Variants in PTPRT observed in about 807,000 individuals in gnomAD.
PTPRT encodes the protein protein tyrosine phosphatase receptor type T.
PTPRT carries 56 observed loss-of-function variants against 176.8 expected under a neutral mutation model. The observed-to-expected ratio is 0.32, with a 90% CI of 0.26 to 0.40. PTPRT has a LOEUF of 0.40. Ranked by LOEUF, PTPRT falls within the 10% of genes least tolerant of loss-of-function variation. PTPRT has a pLI of 1.00. For synonymous variants in PTPRT, 783 were observed against 739.0 expected (o/e 1.06, Z -0.96); for missense variants, 1,540 against 1,908.2 (o/e 0.81, Z 3.60).
intron 1 of PTPRT, among the ~76,000 whole-genome samples, chr20:42,964,979 A>T (rs1483507864): frequency 2.0e-5 from 3 of 152,222 alleles, no homozygotes; most frequent in Non-Finnish European, 4.4e-5. Context: ...TTATTATTTT[A>T]AAGTGATTCT....
At chr20:42,463,501 G>C (rs1318685832) in intron 8 of PTPRT, among the ~76,000 whole-genome samples, 1 of 152,098 alleles carries the variant, frequency 6.6e-6, no homozygotes, top group Non-Finnish European at 1.5e-5. Context: ...ATGTTTTCTT[G>C]TGCCTTAAAG....
rs371507519 is a variant in PTPRT, at chr20:42,494,944, T to C, written c.1154-22382A>G. On this transcript the variant is annotated intron_variant, in intron 7 of 30. Transcript: ENST00000373187. The stretch of plus-strand genomic sequence containing the variant: ...ATCACATCTTTCTAGAAACCTTTCC[T>C]GTTTCCTCGGGCACAAGTGAATCTC... 2.2e-3 allele frequency among the ~76,000 whole-genome samples: 336 copies of C among 152,318 alleles called. 1 individual carries two copies. Among genetic ancestry groups the C allele is most frequent in the Non-Finnish European group, 2.7e-3 (186 of 68,038 alleles).
chr20:43,073,048 C>A (rs1280862260), intron 1 of PTPRT, among the ~76,000 whole-genome samples: 1 of 152,076 alleles, frequency 6.6e-6, no homozygotes, highest in African/African-American at 2.4e-5. Flanking sequence ...TTATGGCCAC[C>A]AACTAAAGTC....
intron 13 of PTPRT, among the ~76,000 whole-genome samples, chr20:42,269,922 C>G (rs948392871): frequency 1.3e-5 from 2 of 152,156 alleles, no homozygotes; most frequent in Non-Finnish European, 2.9e-5. Flanking sequence ...TTTTCCCAAA[C>G]TTAGATCACA....
intron 17 of PTPRT, among the ~76,000 whole-genome samples, chr20:42,143,556 CAA>C (rs36027241): frequency 7.5e-4 from 73 of 97,356 alleles, no homozygotes; most frequent in African/African-American, 1.6e-3. Context: ...GACTCTGTTT[CAA>C]AAAAAAAAAA....
chr20:42,599,365 A>C (rs2073734735), intron 7 of PTPRT, among the ~76,000 whole-genome samples: 1 of 152,142 alleles, frequency 6.6e-6, no homozygotes, highest in African/African-American at 2.4e-5. Flanking sequence ...GTCACCACAC[A>C]CAGGGTTGAT....
chr20:42,619,614 A>T (rs1296149770), intron 7 of PTPRT, among the ~76,000 whole-genome samples: 4 of 133,502 alleles, frequency 3.0e-5, no homozygotes, highest in Non-Finnish European at 6.2e-5. Context: ...ACATAGTCCC[A>T]TATTTCTTGG....
intron 15 of PTPRT, among the ~76,000 whole-genome samples, chr20:42,225,400 C>T (rs1359558080): frequency 6.6e-6 from 1 of 152,138 alleles, no homozygotes; most frequent in Non-Finnish European, 1.5e-5. Context: ...CACTACCATT[C>T]CCATTTTACA....
chr20:43,128,651 C>A (rs2013536669), intron 1 of PTPRT, among the ~76,000 whole-genome samples: 4 of 152,240 alleles, frequency 2.6e-5, no homozygotes, highest in Admixed American at 2.6e-4. Context: ...CCAGTCTCCC[C>A]ATTATTACCA....
intron 1 of PTPRT, among the ~76,000 whole-genome samples, chr20:42,903,042 C>T: frequency 6.6e-6 from 1 of 152,182 alleles, no homozygotes; most frequent in East Asian, 1.9e-4. Flanking sequence ...AGAAGTAAAG[C>T]AGGTAAGGGG....
At chr20:42,442,964 C>T (rs2059330976) in intron 9 of PTPRT, among the ~76,000 whole-genome samples, 2 of 152,152 alleles carry the variant, frequency 1.3e-5, no homozygotes, top group Non-Finnish European at 2.9e-5. Context: ...GAGGCCACAC[C>T]ACCCTTCTGC....
chr20:42,106,845 C>T lies in PTPRT; in HGVS notation c.3331G>A (p.Asp1111Asn), dbSNP rs1320749118. The stretch of plus-strand genomic sequence containing the variant: ...AGCTCACGCACGCAGTTGAAGATGT[C>T]CACCACCCCTTCATTCTCGGCCATG... ...LDMAENEGVV[D>N]IFNCVRELRA... The change falls in exon 24 of 31, where the codon GAC becomes AAC. Residue 1111 changes from aspartate (D) to asparagine (N), a missense_variant. Asp to Asn is a conservative substitution (Grantham distance 23). This residue lies in a region of PTPRT where 248 missense variants were observed against 356.7 expected (regional missense o/e 0.70). Transcript: ENST00000373187. 3.7e-6 allele frequency: 6 copies of T among 1,614,036 alleles called. No individual in the cohort carries two copies. Among genetic ancestry groups the T allele is most frequent in the Non-Finnish European group, 5.1e-6 (6 of 1,180,028 alleles).
chr20:42,795,308 T>G (rs780173994), intron 2 of PTPRT, among the ~76,000 whole-genome samples: 1 of 152,198 alleles, frequency 6.6e-6, no homozygotes, highest in Non-Finnish European at 1.5e-5. Context: ...TGGCCATAAA[T>G]TTTGCATTTT....
At chr20:42,748,216 C>A (rs894495656) in intron 6 of PTPRT, among the ~76,000 whole-genome samples, 1 of 152,156 alleles carries the variant, frequency 6.6e-6, no homozygotes, top group Admixed American at 6.5e-5. Context: ...GTCTGCCAAC[C>A]TTGTCGAGGA....
At chr20:42,931,292 C>T (rs1979832025) in intron 1 of PTPRT, among the ~76,000 whole-genome samples, 1 of 152,042 alleles carries the variant, frequency 6.6e-6, no homozygotes, top group South Asian at 2.1e-4. Flanking sequence ...GGTGAGAGAT[C>T]TCTTTCTCTT....
At chr20:42,658,498 C>T (rs6093710) in intron 7 of PTPRT, among the ~76,000 whole-genome samples, 1 of 152,222 alleles carries the variant, frequency 6.6e-6, no homozygotes, top group South Asian at 2.1e-4. Flanking sequence ...CCATGAAAAG[C>T]ACACTCGTTT....
intron 6 of PTPRT, among the ~76,000 whole-genome samples, chr20:42,737,352 T>A (rs1269919718): frequency 6.6e-6 from 1 of 152,170 alleles, no homozygotes; most frequent in Admixed American, 6.5e-5. Flanking sequence ...AGGCATGGGC[T>A]GGGCATGGTG....
rs145619049 is a variant in PTPRT at position 42,452,548 on chromosome 20, C to A, written c.1451-4219G>T. Among the ~76,000 whole-genome samples, 365 of 152,080 alleles carry A rather than the reference C, an allele frequency of 2.4e-3. 2 individuals are homozygous for A. The highest frequency in any genetic ancestry group is 7.9e-3 in the African/African-American group (328 of 41,478). ...CAAGAATTTGGAAAGACAGGAGAAG[C>A]TTTAATCACAGAGTAGAAGGCAAGC... On this transcript the variant is annotated intron_variant, in intron 8 of 30. Coordinates refer to ENST00000373187, the MANE Select transcript of PTPRT (RefSeq NM_007050.6).
chr20:42,426,583 G>A (rs1006727842), intron 9 of PTPRT, among the ~76,000 whole-genome samples: 3 of 152,162 alleles, frequency 2.0e-5, no homozygotes, highest in African/African-American at 7.2e-5. Flanking sequence ...CACTTAAGCC[G>A]TCTGCAGATG....
Sources: gnomAD v4.1 joint callset for allele counts (sites outside exome capture counted in the v4.1 genomes callset) on GRCh38, gnomAD v4.1.1 for gene constraint, gnomAD v4.1.1 regional missense constraint, MANE v1.5 for transcripts, NCBI Gene and HGNC (gene_info 2026-07-23, HGNC 2026-07-21) for gene names.